REEP3: variants seen among roughly 807,000 people sequenced by gnomAD.
REEP3 encodes the protein receptor accessory protein 3.
In REEP3, 20 loss-of-function variants were observed where a neutral mutation model predicts 41.3. The ratio of observed to expected loss-of-function variants is 0.48; its 90% CI spans 0.34 to 0.70. REEP3 has a LOEUF of 0.70. Ranked by LOEUF, REEP3 falls within the 30% of genes least tolerant of loss-of-function variation. The pLI, the probability that REEP3 is intolerant of heterozygous loss-of-function variation, is 0.01. For synonymous variants in REEP3, 104 were observed against 101.8 expected (o/e 1.02, Z -0.13); for missense variants, 271 against 308.8 (o/e 0.88, Z 0.92).
At chr10:63,530,028 C>G (rs552871217) in intron 1 of REEP3, among the ~76,000 whole-genome samples, 1 of 152,316 alleles carries the variant, frequency 6.6e-6, no homozygotes, top group East Asian at 1.9e-4. Context: ...ATCCACCTGC[C>G]TTGGCCTCCT....
rs561681217 is a variant in REEP3 at position 63,522,804 on chromosome 10, G to A, written c.32+1227G>A. Among the ~76,000 whole-genome samples the A allele has an allele frequency of 2.6e-5, 4 of 152,248 alleles. No individual in the cohort carries two copies. The South Asian group carries it at 6.2e-4, about 24-fold the overall frequency. On this transcript the variant is annotated intron_variant, in intron 1 of 7. Transcript: ENST00000373758. The stretch of plus-strand genomic sequence containing the variant: ...CAAAGTTTCTAGTTTTAAAGCCTCA[G>A]AGCTTCCTGTGTTCCCCTGTACGAA...
intron 1 of REEP3, among the ~76,000 whole-genome samples, chr10:63,532,595 G>T (rs1331195776): frequency 1.3e-5 from 2 of 151,670 alleles, no homozygotes; most frequent in African/African-American, 4.8e-5. Context: ...GGCGGAGCTC[G>T]CAGTGAGCCA....
intron 5 of REEP3, among the ~76,000 whole-genome samples, chr10:63,602,072 T>G (rs1380970948): frequency 6.6e-6 from 1 of 151,214 alleles, no homozygotes; most frequent in African/African-American, 2.4e-5. Flanking sequence ...AAAAATACAT[T>G]GGCGGCAATG....
At chr10:63,562,271 T>TTTAGAGAC (rs1395750696) in intron 1 of REEP3, among the ~76,000 whole-genome samples, 7 of 151,876 alleles carry the variant, frequency 4.6e-5, no homozygotes, top group Non-Finnish European at 8.8e-5. Context: ...TTTTTTTTTT[T>TTTAGAGAC]TTAGAGACGG....
intron 1 of REEP3, among the ~76,000 whole-genome samples, chr10:63,536,184 A>C (rs1326789397): frequency 6.6e-6 from 1 of 152,242 alleles, no homozygotes; most frequent in Non-Finnish European, 1.5e-5. Flanking sequence ...GCCAAGTAGC[A>C]AAGCTATATG....
intron 1 of REEP3, among the ~76,000 whole-genome samples, chr10:63,558,553 G>A (rs1345190421): frequency 6.6e-6 from 1 of 152,082 alleles, no homozygotes; most frequent in Non-Finnish European, 1.5e-5. Flanking sequence ...TTGGGAGGCC[G>A]AGGCAGACAG....
chr10:63,584,348 G>C (rs1955983271), intron 2 of REEP3, among the ~76,000 whole-genome samples: 1 of 151,592 alleles, frequency 6.6e-6, no homozygotes, highest in Non-Finnish European at 1.5e-5. Context: ...GATGGGCATG[G>C]GGGGAGAAGT....
intron 2 of REEP3, among the ~76,000 whole-genome samples, chr10:63,575,047 G>A (rs1281780137): frequency 6.6e-6 from 1 of 151,318 alleles, no homozygotes; most frequent in Non-Finnish European, 1.5e-5. Flanking sequence ...GAAGAGATGG[G>A]GTTTCACCAT....
intron 1 of REEP3, among the ~76,000 whole-genome samples, chr10:63,528,604 C>T (rs886408669): frequency 6.6e-6 from 1 of 152,210 alleles, no homozygotes; most frequent in African/African-American, 2.4e-5. Context: ...CAGATGACTT[C>T]CTGCCTCACT....
At chr10:63,580,627 A>G (rs4281381) in intron 2 of REEP3, among the ~76,000 whole-genome samples, 140,377 of 152,210 alleles carry the variant, frequency 0.92, 65,048 homozygotes, top group Middle Eastern at 0.98. Context: ...ATAGGGTAAG[A>G]TAGAAAAGGA....
chr10:63,590,689 C>T (rs569291980), intron 2 of REEP3, among the ~76,000 whole-genome samples: 1 of 152,188 alleles, frequency 6.6e-6, no homozygotes, highest in South Asian at 2.1e-4. Flanking sequence ...GAATGGGGGA[C>T]TTGTAGATTG....
chr10:63,569,874 G>A (rs1036643717), intron 2 of REEP3, among the ~76,000 whole-genome samples: 10 of 151,886 alleles, frequency 6.6e-5, no homozygotes, highest in African/African-American at 9.7e-5. Flanking sequence ...CCTGGGAGTC[G>A]AGACTACAGT....
Position 63,610,298 on chromosome 10 carries a change from A to G in REEP3, c.529A>G (p.Lys177Glu). ...QRPYQPLPEAKKKSKPAPSES... is the reference protein window; with the variant it reads ...QRPYQPLPEAEKKSKPAPSES... The stretch of plus-strand genomic sequence containing the variant: ...ACCATACCAACCTCTACCAGAAGCA[A>G]AAAAGAAAAGTAAACCAGCCCCCAG... The change falls in exon 6 of 8, where the codon AAA (lysine) becomes GAA (glutamate). Residue 177 changes from lysine to glutamate, a missense_variant. Transcript: ENST00000373758. The G allele has an allele frequency of 6.4e-7, 1 of 1,568,836 alleles. No homozygotes were observed. The highest frequency in any genetic ancestry group is 8.7e-7 in the Non-Finnish European group (1 of 1,155,120).
At chr10:63,596,701 CTT>C (rs1956118267) in intron 3 of REEP3, among the ~76,000 whole-genome samples, 1 of 152,158 alleles carries the variant, frequency 6.6e-6, no homozygotes, top group African/African-American at 2.4e-5. Context: ...GAAAAGCAAA[CTT>C]TTATTTCTTG....
At chr10:63,566,269 G>A (rs1051509236) in intron 1 of REEP3, 69 bp from the exon 2 acceptor site, 14 of 825,070 alleles carry the variant, frequency 1.7e-5, no homozygotes, top group Non-Finnish European at 2.4e-5. Flanking sequence ...TGTTTATTAG[G>A]TTAAATTTTT....
intron 1 of REEP3, among the ~76,000 whole-genome samples, chr10:63,545,104 G>C (rs1457840941): frequency 6.6e-6 from 1 of 152,088 alleles, no homozygotes; most frequent in Non-Finnish European, 1.5e-5. Flanking sequence ...GCTATTTGAA[G>C]CAAATGAAAA....
intron 1 of REEP3, among the ~76,000 whole-genome samples, chr10:63,546,191 A>G (rs1280273927): frequency 6.6e-6 from 1 of 152,318 alleles, no homozygotes; most frequent in Non-Finnish European, 1.5e-5. Flanking sequence ...TGATATTATC[A>G]GATTTTGTGT....
At chr10:63,617,812 C>CTT (rs60910642) in intron 6 of REEP3, among the ~76,000 whole-genome samples, 12 of 83,550 alleles carry the variant, frequency 1.4e-4, no homozygotes, top group African/African-American at 3.1e-4. Flanking sequence ...TCCTTCTACT[C>CTT]TTTTTTTTTT....
chr10:63,599,278 G>A lies in REEP3; in HGVS notation c.412G>A (p.Val138Ile). The A allele has an allele frequency of 5.5e-6, 8 of 1,445,896 alleles. No homozygotes were observed. The highest frequency in any genetic ancestry group is 6.6e-6 in the Non-Finnish European group (7 of 1,067,344). 89.6% of individuals were successfully genotyped at this position (1,445,896 alleles called of 1,614,324 possible). Residue 138 changes from valine (V) to isoleucine (I), a missense_variant, in exon 5 of 8, where the codon GTA becomes ATA. Physicochemically the swap from Val to Ile is conservative, Grantham distance 29. Transcript: ENST00000373758. ...LAATAAVTAA[V>I]KSQGAITERL... is the part of the protein sequence containing the mutation. Reference sequence around the variant, plus strand: ...AGCTACTGCTGCTGTTACTGCAGCAGTAAAGGTAATTGTTCATTTACCTTT... The same window carrying A: ...AGCTACTGCTGCTGTTACTGCAGCAATAAAGGTAATTGTTCATTTACCTTT...
Sources: allele counts gnomAD v4.1 joint callset (sites outside exome capture counted in the v4.1 genomes callset), GRCh38; gene constraint gnomAD v4.1.1; transcripts MANE v1.5; gene names NCBI Gene and HGNC (gene_info 2026-07-23, HGNC 2026-07-21).